Variants in AMOTL1 observed in about 807,000 individuals in gnomAD.
AMOTL1 encodes angiomotin-like protein 1.
A neutral mutation model predicts 102.9 loss-of-function variants in AMOTL1; 45 were observed. The ratio of observed to expected loss-of-function variants is 0.44; its 90% confidence interval spans 0.34 to 0.56. The LOEUF is 0.56. Among genes scored for constraint, AMOTL1 ranks in the 20% least tolerant of loss-of-function variants. The probability of loss-of-function intolerance (pLI) is 0.01; values close to 1 mark genes in which losing one functional copy is unlikely to be tolerated. For missense variants in AMOTL1, 1,114 were observed against 1,225.6 expected (o/e 0.91, Z 1.36); for synonymous variants, 481 against 484.7 (o/e 0.99, Z 0.10).
chr11:94,829,149 G>A (rs1352994126), intron 4 of AMOTL1, among the ~76,000 whole-genome samples: 1 of 151,220 alleles, frequency 6.6e-6, no homozygotes, highest in Non-Finnish European at 1.5e-5. Flanking sequence ...TAATTTCTTG[G>A]CTATCAATTC....
intron 4 of AMOTL1, among the ~76,000 whole-genome samples, chr11:94,828,125 T>G (rs1952001850): frequency 6.6e-6 from 1 of 152,084 alleles, no homozygotes; most frequent in African/African-American, 2.4e-5. Context: ...CCCAGACTGG[T>G]TTTCTTTCTT....
intron 2 of AMOTL1, among the ~76,000 whole-genome samples, chr11:94,736,145 G>A (rs1023718414): frequency 1.3e-5 from 2 of 152,158 alleles, no homozygotes; most frequent in Non-Finnish European, 2.9e-5. Context: ...CCCTCTTGCT[G>A]TCTGCTGGGG....
chr11:94,794,970 C>T, intron 1 of AMOTL1, 41 bp from the exon 2 acceptor site: 1 of 1,562,452 alleles, frequency 6.4e-7, no homozygotes, highest in South Asian at 1.2e-5. Flanking sequence ...GGAAGGAGGA[C>T]TTGATGGGCA....
intron 6 of AMOTL1, among the ~76,000 whole-genome samples, chr11:94,843,334 CTCTT>C (rs1391642085): frequency 1.3e-5 from 2 of 152,002 alleles, no homozygotes; most frequent in South Asian, 4.1e-4. Flanking sequence ...TTTTTTGAGT[CTCTT>C]TCTAGGTTCA....
chr11:94,831,564 T>G, intron 6 of AMOTL1, 23 bp downstream of exon 6: 1 of 1,595,786 alleles, frequency 6.3e-7, no homozygotes, highest in Non-Finnish European at 8.6e-7. Context: ...TTATTTATTA[T>G]CCCAAAGTTT....
At chr11:94,860,518 G>A (rs1355294862) in intron 9 of AMOTL1, among the ~76,000 whole-genome samples, 1 of 152,198 alleles carries the variant, frequency 6.6e-6, no homozygotes, top group Non-Finnish European at 1.5e-5. Context: ...GTCAGAGTGA[G>A]CAAGGCACTC....
chr11:94,753,006 T>C (rs1257717872), intron 3 of AMOTL1, among the ~76,000 whole-genome samples: 1 of 152,192 alleles, frequency 6.6e-6, no homozygotes, highest in Non-Finnish European at 1.5e-5. Flanking sequence ...TTTAGGCTCC[T>C]TTTATAAAAA....
chr11:94,738,879 C>T (rs1281426369), intron 2 of AMOTL1, among the ~76,000 whole-genome samples: 2 of 152,026 alleles, frequency 1.3e-5, no homozygotes, highest in African/African-American at 4.8e-5. Context: ...ATTACTTCAC[C>T]TTGATATTAT....
intron 3 of AMOTL1, among the ~76,000 whole-genome samples, chr11:94,750,113 T>C (rs1161961543): frequency 6.6e-6 from 1 of 152,172 alleles, no homozygotes; most frequent in Non-Finnish European, 1.5e-5. Flanking sequence ...CCCCCAAATA[T>C]AACAATTTCC....
intron 3 of AMOTL1, among the ~76,000 whole-genome samples, chr11:94,804,395 C>A (rs1951532446): frequency 6.6e-6 from 1 of 152,216 alleles, no homozygotes; most frequent in South Asian, 2.1e-4. Context: ...TCAAGTGATC[C>A]TCCCATCATA....
At chr11:94,832,472 C>T (rs1322633379) in intron 6 of AMOTL1, among the ~76,000 whole-genome samples, 1 of 152,158 alleles carries the variant, frequency 6.6e-6, no homozygotes, top group African/African-American at 2.4e-5. Flanking sequence ...TGTGTGTCCC[C>T]CAGATTGATT....
chr11:94,851,048 G>A (rs1952527104), intron 7 of AMOTL1, among the ~76,000 whole-genome samples: 1 of 152,200 alleles, frequency 6.6e-6, no homozygotes, highest in Non-Finnish European at 1.5e-5. Context: ...GAGTAAACGA[G>A]GGTCTTGCCC....
intron 1 of AMOTL1, among the ~76,000 whole-genome samples, chr11:94,787,570 C>T (rs1326768612): frequency 1.3e-5 from 2 of 151,200 alleles, no homozygotes; most frequent in Admixed American, 1.3e-4. Flanking sequence ...CGCCTGTAGT[C>T]CCAGCTACAC....
intron 1 of AMOTL1, among the ~76,000 whole-genome samples, chr11:94,717,110 G>A (rs1274490322): frequency 6.6e-6 from 1 of 151,848 alleles, no homozygotes; most frequent in Non-Finnish European, 1.5e-5. Flanking sequence ...AAGAAAACCA[G>A]GGAAATCACT....
chr11:94,758,696 T>A (rs1950757512), intron 3 of AMOTL1, among the ~76,000 whole-genome samples: 1 of 152,242 alleles, frequency 6.6e-6, no homozygotes, highest in East Asian at 1.9e-4. Flanking sequence ...AGGATTTCCG[T>A]ATACTCTGCA....
At position 94,792,615 on chromosome 11, in the gene AMOTL1, T is replaced by C. The variant is rs143745779; in HGVS notation, c.50-2396T>C. 4.2e-3 allele frequency among the ~76,000 whole-genome samples: 643 copies of C among 152,332 alleles called. 8 individuals are homozygous for C. The highest frequency in any genetic ancestry group is 3.7e-4 in the Non-Finnish European group (25 of 68,024). ...GTCATCTGCTCTGCTCTCCAGCCTT[T>C]CTTCAGCACTGAGGAGTGGTCAGCA... On this transcript the variant is annotated intron_variant, in intron 1 of 12. Coordinates refer to ENST00000433060, the MANE Select transcript of AMOTL1 (RefSeq NM_130847.3).
At chr11:94,811,029 T>G (rs1483786590) in intron 3 of AMOTL1, among the ~76,000 whole-genome samples, 1 of 152,148 alleles carries the variant, frequency 6.6e-6, no homozygotes, top group African/African-American at 2.4e-5. Context: ...GAGCCTGATT[T>G]AGGAACCAAT....
chr11:94,716,699 C>CTT (rs1305326847), intron 1 of AMOTL1, among the ~76,000 whole-genome samples: 2 of 152,066 alleles, frequency 1.3e-5, no homozygotes, highest in Admixed American at 1.3e-4. Flanking sequence ...TTTGCTAATG[C>CTT]TTCGCCTGAG....
chr11:94,875,801 G>C lies in AMOTL1; in HGVS notation c.*5006G>C, dbSNP rs1592059693. On this transcript the variant is annotated 3_prime_UTR_variant, in exon 13 of 13. Transcript: ENST00000433060. ...AGCCTCTCAAAGTGTCCACTTCAAG[G>C]GGGGATCATCCTCATTAGCACACAG... The C allele has an allele frequency of 6.6e-6, 1 of 152,140 alleles. No homozygotes were observed. Among genetic ancestry groups the C allele is most frequent in the Admixed American group, 6.5e-5 (1 of 15,278 alleles). 9.4% of individuals were successfully genotyped at this position (152,140 alleles called of 1,614,324 possible). A position where few individuals can be genotyped will look rare whatever the true frequency, so the allele number is the denominator to read the frequency against.
Sources: allele counts gnomAD v4.1 joint callset (sites outside exome capture counted in the v4.1 genomes callset), GRCh38; gene constraint gnomAD v4.1.1; transcripts MANE v1.5; gene names NCBI Gene and HGNC (gene_info 2026-07-23, HGNC 2026-07-21).